Variants in COL22A1 observed in about 807,000 individuals in gnomAD.
The protein encoded by COL22A1 is collagen type XXII alpha 1 chain.
COL22A1 carries 221 observed loss-of-function variants against 248.9 expected under a neutral mutation model. The observed-to-expected ratio is 0.89, with a 90% CI of 0.80 to 0.99. COL22A1 has a LOEUF of 0.99. Ranked by LOEUF, COL22A1 falls within the 50% of genes least tolerant of loss-of-function variation. COL22A1 has a pLI of 0.00. For missense variants in COL22A1, 2,240 were observed against 2,179.0 expected, an observed-to-expected ratio of 1.03 and a Z score of -0.56; for synonymous variants, 891 against 793.4, an observed-to-expected ratio of 1.12 and a Z score of -2.07.
chr8:138,589,202 T>C lies in COL22A1; in HGVS notation c.*51A>G. 6.3e-7 allele frequency: 1 copy of C among 1,578,516 alleles called. No individual in the cohort carries two copies. Among genetic ancestry groups the C allele is most frequent in the Admixed American group, 1.7e-5 (1 of 57,810 alleles). On this transcript the variant is annotated 3_prime_UTR_variant, in exon 65 of 65. Coordinates refer to ENST00000303045, the MANE Select transcript of COL22A1 (RefSeq NM_152888.3). ...AGACCTCTGGCTTCCCACTGGGCTC[T>C]GAGTTCAAGTTTCAGAAATCCACTG...
intron 39 of COL22A1, among the ~76,000 whole-genome samples, chr8:138,680,822 C>A (rs898182891): frequency 6.6e-6 from 1 of 152,242 alleles, no homozygotes; most frequent in Non-Finnish European, 1.5e-5. Flanking sequence ...TTCTGACTTA[C>A]ACATTTACAC....
At chr8:138,690,979 G>T in intron 35 of COL22A1, 105 bp from the exon 36 acceptor site, 1 of 869,722 alleles carries the variant, frequency 1.1e-6, no homozygotes, top group Non-Finnish European at 1.7e-6. Context: ...GCAATGTGCT[G>T]GAACTGCTGC....
At chr8:138,683,304 TG>T (rs1490368820) in intron 39 of COL22A1, among the ~76,000 whole-genome samples, 4 of 152,296 alleles carry the variant, frequency 2.6e-5, no homozygotes, top group South Asian at 2.1e-4. Context: ...GGTAATTGAT[TG>T]GTAATTGATG....
rs956939598 is a variant in COL22A1 at position 138,898,792 on chromosome 8, C to A, written c.-73+14827G>T. On this transcript the variant is annotated intron_variant, in intron 1 of 64. Coordinates refer to ENST00000303045, the MANE Select transcript of COL22A1 (RefSeq NM_152888.3). ...CTGCCAATACCTCCCCTTCTCCACT[C>A]CTGCTGGTGGAGACCAAGCCTCCTT... Among the ~76,000 whole-genome samples, 6 of 152,144 alleles carry A rather than the reference C, an allele frequency of 3.9e-5. No homozygotes were observed. The South Asian group carries it at 1.2e-3, about 32-fold the overall frequency.
intron 13 of COL22A1, among the ~76,000 whole-genome samples, chr8:138,780,096 G>C (rs1814822942): frequency 6.6e-6 from 1 of 152,144 alleles, no homozygotes; most frequent in Non-Finnish European, 1.5e-5. Context: ...TCACTTCTGT[G>C]GCTGGAAGTC....
chr8:138,691,872 TTGTGGAGGTGTATG>T (rs1182283328), intron 35 of COL22A1, among the ~76,000 whole-genome samples: 14 of 78,528 alleles, frequency 1.8e-4, no homozygotes, highest in Admixed American at 1.2e-3. Context: ...GTGTGCATGT[TTGTGGAGGTGTATG>T]TGTGGAGGTG....
At chr8:138,806,410 G>A (rs568376090) in intron 10 of COL22A1, among the ~76,000 whole-genome samples, 4 of 151,924 alleles carry the variant, frequency 2.6e-5, no homozygotes, top group Non-Finnish European at 2.9e-5. Flanking sequence ...GATGAGGGAG[G>A]GAGGGATGCC....
rs77240454 is a variant in COL22A1, at chr8:138,902,326, C to T, written c.-73+11293G>A. 8.9e-3 allele frequency among the ~76,000 whole-genome samples: 1,357 copies of T among 152,294 alleles called. 24 individuals are homozygous for T. The highest frequency in any genetic ancestry group is 0.031 in the African/African-American group (1,274 of 41,558). ...ACAGAGAAAAGGCCCCAGCCAGGTCCCTCAGGACAACGGCTTCGCATTGGC... is the reference window on the plus strand; with the variant it reads ...ACAGAGAAAAGGCCCCAGCCAGGTCTCTCAGGACAACGGCTTCGCATTGGC... On this transcript the variant is annotated intron_variant, in intron 1 of 64. Coordinates refer to ENST00000303045, the MANE Select transcript of COL22A1 (RefSeq NM_152888.3).
rs148024706 is a variant in COL22A1, at chr8:138,872,574, C to T, written c.658+5176G>A. Among the ~76,000 whole-genome samples the T allele has an allele frequency of 2.4e-3, 359 of 152,314 alleles. 5 individuals are homozygous for T. The highest frequency in any genetic ancestry group is 0.021 in the Admixed American group (315 of 15,298). On this transcript the variant is annotated intron_variant, in intron 3 of 64. Transcript: ENST00000303045. ...CTATATAAAGCTCGTTTTGTGGCCACGACAAAGCCTGGGGTGGAGAAAACT... is the reference window on the plus strand; with the variant it reads ...CTATATAAAGCTCGTTTTGTGGCCATGACAAAGCCTGGGGTGGAGAAAACT...
At chr8:138,834,959 G>A (rs1420150626) in intron 4 of COL22A1, among the ~76,000 whole-genome samples, 2 of 152,298 alleles carry the variant, frequency 1.3e-5, no homozygotes, top group Admixed American at 1.3e-4. Flanking sequence ...AATGCACAGT[G>A]CAAGTGTGCA....
chr8:138,854,329 G>A (rs907204989), intron 3 of COL22A1, among the ~76,000 whole-genome samples: 1 of 152,154 alleles, frequency 6.6e-6, no homozygotes, highest in African/African-American at 2.4e-5. Context: ...AGGACAAGAG[G>A]ACAAGAGCCT....
At chr8:138,688,513 C>T (rs935241287) in intron 37 of COL22A1, among the ~76,000 whole-genome samples, 3 of 151,316 alleles carry the variant, frequency 2.0e-5, no homozygotes, top group Admixed American at 6.6e-5. Flanking sequence ...AGAGTGAGAC[C>T]CTGTCTCAAG....
intron 16 of COL22A1, among the ~76,000 whole-genome samples, chr8:138,768,644 G>C (rs1228884218): frequency 6.6e-6 from 1 of 152,180 alleles, no homozygotes; most frequent in Non-Finnish European, 1.5e-5. Context: ...CCACAGTAAA[G>C]AACGCCATTA....
intron 1 of COL22A1, among the ~76,000 whole-genome samples, chr8:138,902,675 C>A: frequency 6.7e-6 from 1 of 149,750 alleles, no homozygotes; most frequent in African/African-American, 2.5e-5. Flanking sequence ...CATTGCACTC[C>A]AGCCTGGGCG....
intron 54 of COL22A1, 56 bp from the exon 55 acceptor site, chr8:138,616,110 T>A: frequency 2.1e-6 from 3 of 1,428,922 alleles, no homozygotes; most frequent in Non-Finnish European, 3.0e-6. Flanking sequence ...ACTGGCTGTC[T>A]CAACCACAGG....
rs1016893060 is a variant in COL22A1, at chr8:138,629,400, C to T, written c.3663+1295G>A. The stretch of plus-strand genomic sequence containing the variant: ...AACTCCTGACCTCAGGTGATCTCCC[C>T]ACCTTGGCCTCCCAAAGTACTGGGA... On this transcript the variant is annotated intron_variant, in intron 50 of 64. Transcript: ENST00000303045. Among the ~76,000 whole-genome samples the T allele has an allele frequency of 3.3e-5, 5 of 152,238 alleles. No individual in the cohort carries two copies. In the South Asian group the frequency reaches 1.0e-3, roughly 32 times the overall value.
intron 1 of COL22A1, among the ~76,000 whole-genome samples, chr8:138,905,337 C>T (rs969076626): frequency 1.3e-5 from 2 of 152,210 alleles, no homozygotes; most frequent in South Asian, 4.1e-4. Flanking sequence ...ACCAGAAACT[C>T]ACTACTTTGC....
chr8:138,845,315 C>T (rs1384051734), intron 3 of COL22A1, among the ~76,000 whole-genome samples: 2 of 152,012 alleles, frequency 1.3e-5, no homozygotes, highest in Non-Finnish European at 2.9e-5. Context: ...TCGAGACCAG[C>T]CTGGCCAACA....
chr8:138,687,248 C>T (rs1258584588), intron 37 of COL22A1, among the ~76,000 whole-genome samples: 8 of 152,188 alleles, frequency 5.3e-5, no homozygotes, highest in South Asian at 4.1e-4. Flanking sequence ...TGAGCCACCA[C>T]GCCCGGCCCA....
Sources: gnomAD v4.1 joint callset for allele counts (sites outside exome capture counted in the v4.1 genomes callset) on GRCh38, gnomAD v4.1.1 for gene constraint, MANE v1.5 for transcripts, NCBI Gene and HGNC (gene_info 2026-07-23, HGNC 2026-07-21) for gene names.